TCEA1: variants seen among roughly 807,000 people sequenced by gnomAD.
TCEA1 encodes transcription elongation factor A1, also known as transcription elongation factor A protein 1.
In TCEA1, 21 loss-of-function variants were observed where a neutral mutation model predicts 43.8. That is an observed-to-expected ratio of 0.48 (90% CI 0.34 to 0.69). The LOEUF (loss-of-function observed/expected upper bound fraction) is 0.69, where lower values mean the gene tolerates loss of function less well. Ranked by LOEUF, TCEA1 falls within the 30% of genes least tolerant of loss-of-function variation. TCEA1 has a pLI of 0.01. For synonymous variants in TCEA1, 104 were observed against 117.5 expected (o/e 0.88, Z 0.75); for missense variants, 250 against 365.1 (o/e 0.68, Z 2.57).
intron 1 of TCEA1, among the ~76,000 whole-genome samples, chr8:54,021,030 A>C (rs1358745583): frequency 2.6e-5 from 4 of 151,424 alleles, no homozygotes; most frequent in African/African-American, 9.8e-5. Context: ...TCTACTAAAA[A>C]TACAAAAAAA....
At chr8:53,972,881 T>G (rs1405797388) in intron 8 of TCEA1, 1 of 700,852 alleles carries the variant, frequency 1.4e-6, no homozygotes, top group Non-Finnish European at 2.7e-6. Flanking sequence ...CAGATGATAC[T>G]ACTTTTGATG....
chr8:53,996,872 A>G lies in TCEA1; in HGVS notation c.232+3073T>C, dbSNP rs570132885. 3.1e-4 allele frequency among the ~76,000 whole-genome samples: 46 copies of G among 147,730 alleles called. 1 individual carries two copies. In the South Asian group the frequency reaches 9.3e-3, roughly 30 times the overall value. On this transcript the variant is annotated intron_variant, in intron 3 of 9. Coordinates refer to ENST00000521604, the MANE Select transcript of TCEA1 (RefSeq NM_006756.4). ...GGAACCTGCGAGTCTACACTAATGG[A>G]TAACTAGCTAAGGGGTAAAAAGAAG...
intron 8 of TCEA1, among the ~76,000 whole-genome samples, chr8:53,976,246 T>C (rs545709157): frequency 6.6e-6 from 1 of 152,308 alleles, no homozygotes; most frequent in Admixed American, 6.5e-5. Flanking sequence ...TTAACATGCC[T>C]TCCAACTCAA....
chr8:53,992,482 C>T (rs1209789447), intron 4 of TCEA1, among the ~76,000 whole-genome samples: 5 of 151,954 alleles, frequency 3.3e-5, no homozygotes, highest in Non-Finnish European at 5.9e-5. Flanking sequence ...GTGTGGTGGG[C>T]GCCTGTAATC....
At chr8:54,012,962 C>CAAAAA (rs72062714) in intron 1 of TCEA1, among the ~76,000 whole-genome samples, 15 of 76,944 alleles carry the variant, frequency 1.9e-4, no homozygotes, top group Admixed American at 4.0e-4. Flanking sequence ...ACGACGACGA[C>CAAAAA]AAAAAAAAAA....
At chr8:53,984,820 T>C (rs1037871209) in intron 6 of TCEA1, among the ~76,000 whole-genome samples, 26 of 151,822 alleles carry the variant, frequency 1.7e-4, no homozygotes, top group Admixed American at 1.7e-3. Flanking sequence ...AGGCAGAGGT[T>C]GCAGCGAGCT....
At chr8:54,000,595 T>C (rs1804224269) in intron 2 of TCEA1, among the ~76,000 whole-genome samples, 1 of 152,174 alleles carries the variant, frequency 6.6e-6, no homozygotes, top group Non-Finnish European at 1.5e-5. Flanking sequence ...ATTTAACCTG[T>C]GATAATTACG....
intron 1 of TCEA1, among the ~76,000 whole-genome samples, chr8:54,018,067 A>G (rs1804894806): frequency 6.6e-6 from 1 of 152,178 alleles, no homozygotes. Flanking sequence ...TAAAAATTGT[A>G]TAGTCATTCT....
At chr8:53,999,243 A>AAAG in intron 3 of TCEA1, among the ~76,000 whole-genome samples, 1 of 150,150 alleles carries the variant, frequency 6.7e-6, no homozygotes, top group East Asian at 1.9e-4. Flanking sequence ...AAAAAAAAAA[A>AAAG]AAAGAAAGAA....
chr8:53,969,300 A>G (rs1803084888), intron 9 of TCEA1, among the ~76,000 whole-genome samples: 1 of 152,184 alleles, frequency 6.6e-6, no homozygotes, highest in Admixed American at 6.5e-5. Context: ...AAAAAAATTA[A>G]TGAATAAATA....
chr8:53,980,576 T>C (rs1803471328), intron 7 of TCEA1, among the ~76,000 whole-genome samples: 1 of 152,184 alleles, frequency 6.6e-6, no homozygotes, highest in African/African-American at 2.4e-5. Context: ...ACTATCACTG[T>C]TTTAGGGGCA....
intron 8 of TCEA1, among the ~76,000 whole-genome samples, chr8:53,977,929 A>G (rs1339996355): frequency 2.0e-5 from 3 of 152,230 alleles, no homozygotes; most frequent in Non-Finnish European, 2.9e-5. Context: ...CAAAATAAAA[A>G]GGATTATGGC....
intron 8 of TCEA1, 101 bp downstream of exon 8, chr8:53,978,923 AG>A: frequency 7.4e-7 from 1 of 1,345,314 alleles, no homozygotes; most frequent in Non-Finnish European, 1.0e-6. Context: ...TCCATGGATA[AG>A]TGAGGGACTA....
intron 1 of TCEA1, among the ~76,000 whole-genome samples, chr8:54,017,585 G>C (rs1320306934): frequency 6.6e-6 from 1 of 152,154 alleles, no homozygotes; most frequent in African/African-American, 2.4e-5. Flanking sequence ...AGGAGTTCTA[G>C]ATCAGCCTGG....
In TCEA1 at chr8:53,966,592, A is replaced by G. The variant is rs1183061194; in HGVS notation, c.*1512T>C. On this transcript the variant is annotated 3_prime_UTR_variant, in exon 10 of 10. Coordinates refer to ENST00000521604, the MANE Select transcript of TCEA1 (RefSeq NM_006756.4). ...ACAAAAAAAACTTTATTGAATTACA[A>G]ATTTTAAAATGGATCACTTAAAAGT... is the stretch of plus-strand genomic sequence containing the variant. 1 of 179,134 alleles carries G rather than the reference A, an allele frequency of 5.6e-6. No homozygotes were observed. The highest frequency in any genetic ancestry group is 1.2e-5 in the Non-Finnish European group (1 of 83,680). 11.1% of individuals were successfully genotyped at this position (179,134 alleles called of 1,614,324 possible). A position where few individuals can be genotyped will look rare whatever the true frequency, so the allele number is the denominator to read the frequency against.
chr8:53,981,491 T>C (rs1318434019), intron 7 of TCEA1, among the ~76,000 whole-genome samples: 1 of 152,242 alleles, frequency 6.6e-6, no homozygotes, highest in Non-Finnish European at 1.5e-5. Flanking sequence ...GTCTGTGTTC[T>C]ATAAATGAAA....
intron 2 of TCEA1, among the ~76,000 whole-genome samples, chr8:54,002,573 GA>G (rs11389541): frequency 1.1e-3 from 145 of 136,962 alleles, no homozygotes; most frequent in South Asian, 2.4e-3. Flanking sequence ...TGGAAAAAAT[GA>G]AAAAAAAAAA....
At chr8:53,995,830 T>C (rs187032940) in intron 3 of TCEA1, among the ~76,000 whole-genome samples, 2 of 152,348 alleles carry the variant, frequency 1.3e-5, no homozygotes, top group Admixed American at 1.3e-4. Context: ...AAATCACAAC[T>C]GTAGAACTCA....
At chr8:53,976,210 C>A (rs965505110) in intron 8 of TCEA1, among the ~76,000 whole-genome samples, 1 of 152,090 alleles carries the variant, frequency 6.6e-6, no homozygotes, top group African/African-American at 2.4e-5. Flanking sequence ...CTTCAAAGAT[C>A]AAAGGTTCAT....
Sources: gnomAD v4.1 joint callset for allele counts (sites outside exome capture counted in the v4.1 genomes callset) on GRCh38, gnomAD v4.1.1 for gene constraint, MANE v1.5 for transcripts, NCBI Gene and HGNC (gene_info 2026-07-23, HGNC 2026-07-21) for gene names.